The following SPINT2 variants were observed in gnomAD, a reference collection of about 807,000 sequenced individuals.
The protein encoded by SPINT2 is serine peptidase inhibitor, Kunitz type 2, also known as kunitz-type protease inhibitor 2.
Under a neutral mutation model 30.1 loss-of-function variants are expected in SPINT2, and 18 were observed. The observed-to-expected ratio is 0.60, with a 90% CI of 0.41 to 0.89. SPINT2 has a LOEUF of 0.89. Among genes scored for constraint, SPINT2 ranks in the 40% least tolerant of loss-of-function variants. SPINT2 has a pLI of 0.00. For missense variants in SPINT2, 276 were observed against 334.3 expected (o/e 0.83, Z 1.36); for synonymous variants, 139 against 137.9 (o/e 1.01, Z -0.05).
intron 1 of SPINT2, among the ~76,000 whole-genome samples, chr19:38,278,522 C>T (rs1480365831): frequency 6.6e-6 from 1 of 152,214 alleles, no homozygotes; most frequent in Admixed American, 6.5e-5. Context: ...TTGGCGAAGG[C>T]AATAAGTAAT....
At chr19:38,270,939 A>C (rs1968447644) in intron 1 of SPINT2, among the ~76,000 whole-genome samples, 1 of 152,202 alleles carries the variant, frequency 6.6e-6, no homozygotes, top group Non-Finnish European at 1.5e-5. Flanking sequence ...GGCCATGACT[A>C]ATGTGGACAT....
At chr19:38,288,497 G>A (rs1057341551) in intron 3 of SPINT2, 2 of 212,512 alleles carry the variant, frequency 9.4e-6, no homozygotes, top group Non-Finnish European at 1.9e-5. Context: ...CGCCTGGGGT[G>A]AGTGGTCCCG....
intron 1 of SPINT2, among the ~76,000 whole-genome samples, chr19:38,283,008 T>G (rs1329112327): frequency 2.0e-5 from 3 of 151,802 alleles, no homozygotes; most frequent in Non-Finnish European, 2.9e-5. Context: ...TGTTTTGTTT[T>G]TTTTTTTTTA....
rs199831478 is a variant in SPINT2 at position 38,291,976 on chromosome 19, G to A, written c.729G>A (p.Glu243=). 1.9e-6 allele frequency: 3 copies of A among 1,614,174 alleles called. No homozygotes were observed. The African/African-American group carries it at 4.0e-5, about 22-fold the overall frequency. The part of the protein sequence containing the change: ...RTVWSSGDDK[E]QLVKNTYVL ...TCTGGAGCTCCGGAGATGACAAGGA[G>A]CAGCTGGTGAAGAACACATATGTCC... is the stretch of plus-strand genomic sequence containing the variant. The change falls in exon 7 of 7, where the codon GAG becomes GAA. Residue 243 remains glutamate, a synonymous_variant. Transcript: ENST00000301244.
chr19:38,269,766 C>G lies in SPINT2; in HGVS notation c.106+4768C>G, dbSNP rs536732450. 3.9e-5 allele frequency among the ~76,000 whole-genome samples: 6 copies of G among 151,962 alleles called. No homozygotes were observed. In the South Asian group the frequency reaches 1.2e-3, roughly 32 times the overall value. ...CTGGGACTACAGGCACCTGCCGCCACGCCCGGCTAATTTTTTGTATTTTTA... is the reference window on the plus strand; with the variant it reads ...CTGGGACTACAGGCACCTGCCGCCAGGCCCGGCTAATTTTTTGTATTTTTA... On this transcript the variant is annotated intron_variant, in intron 1 of 6. Transcript: ENST00000301244.
intron 1 of SPINT2, among the ~76,000 whole-genome samples, chr19:38,278,276 C>T (rs1968542294): frequency 6.6e-6 from 1 of 152,180 alleles, no homozygotes; most frequent in Non-Finnish European, 1.5e-5. Context: ...AACCTCAGTT[C>T]TGTTTTCCTG....
chr19:38,264,769 C>T lies in SPINT2; in HGVS notation c.-124C>T, dbSNP rs1315986380. Reference sequence around the variant, plus strand: ...GGGGCTTTGGCACCTGGCGGACCCTCCCGGAGCGTCGGCACCTGAACGCGA... The same window carrying T: ...GGGGCTTTGGCACCTGGCGGACCCTTCCGGAGCGTCGGCACCTGAACGCGA... On this transcript the variant is annotated 5_prime_UTR_variant, in exon 1 of 7. Transcript: ENST00000301244. 9.4e-7 allele frequency: 1 copy of T among 1,067,906 alleles called. No individual in the cohort carries two copies. Among genetic ancestry groups the T allele is most frequent in the Admixed American group, 2.1e-5 (1 of 46,828 alleles). 66.2% of individuals were successfully genotyped at this position (1,067,906 alleles called of 1,614,324 possible). A position where few individuals can be genotyped will look rare whatever the true frequency, so the allele number is the denominator to read the frequency against.
At position 38,264,901 on chromosome 19, in the gene SPINT2, G is replaced by T; in HGVS notation, c.9G>T (p.Gln3His). MA[Q>H]LCGLRRSRAF... Reference sequence around the variant, plus strand: ...TCTCGGCTGAGCTGGCCATGGCGCAGCTGTGCGGGCTGAGGCGGAGCCGGG... The same window carrying T: ...TCTCGGCTGAGCTGGCCATGGCGCATCTGTGCGGGCTGAGGCGGAGCCGGG... The change falls in exon 1 of 7, where the codon CAG (glutamine) becomes CAT (histidine). Residue 3 changes from glutamine to histidine, a missense_variant. Physicochemically the swap from Gln to His is conservative, Grantham distance 24 (BLOSUM62 0). Transcript: ENST00000301244. The T allele has an allele frequency of 1.3e-6, 2 of 1,534,974 alleles. No homozygotes were observed. Among genetic ancestry groups the T allele is most frequent in the Non-Finnish European group, 1.7e-6 (2 of 1,145,838 alleles).
rs569101586 is a variant in SPINT2, at chr19:38,264,788, A to C, written c.-105A>C. Reference sequence around the variant, plus strand: ...GACCCTCCCGGAGCGTCGGCACCTGAACGCGAGGCGCTCCATTGCGCGTGC... The same window carrying C: ...GACCCTCCCGGAGCGTCGGCACCTGCACGCGAGGCGCTCCATTGCGCGTGC... On this transcript the variant is annotated 5_prime_UTR_variant, in exon 1 of 7. Coordinates refer to ENST00000301244, the MANE Select transcript of SPINT2 (RefSeq NM_021102.4). The C allele has an allele frequency of 3.7e-5, 47 of 1,271,946 alleles. No individual in the cohort carries two copies. The East Asian group carries it at 1.2e-3, about 33-fold the overall frequency. The allele number at this position is 1,271,946 out of a possible 1,614,324, so 78.8% of individuals were successfully genotyped here.
chr19:38,280,694 A>G (rs1378156673), intron 1 of SPINT2, among the ~76,000 whole-genome samples: 2 of 151,856 alleles, frequency 1.3e-5, no homozygotes, highest in Non-Finnish European at 2.9e-5. Flanking sequence ...ACCCTTACTT[A>G]CGAAGTTACC....
At position 38,264,716 on chromosome 19, in the gene SPINT2, C is replaced by T. The variant is rs1968355382; in HGVS notation, c.-177C>T. ...GCGCCGAGAAGGCCGGGCGTCCCCA[C>T]ACTGAAGGTCCGGAAAGGCGACTTC... On this transcript the variant is annotated 5_prime_UTR_variant, in exon 1 of 7. Transcript: ENST00000301244. 1.6e-6 allele frequency: 1 copy of T among 635,926 alleles called. No homozygotes were observed. Among genetic ancestry groups the T allele is most frequent in the East Asian group, 2.9e-5 (1 of 34,420 alleles). The allele number at this position is 635,926 out of a possible 1,614,324, so 39.4% of individuals were successfully genotyped here. A position where few individuals can be genotyped will look rare whatever the true frequency, so the allele number is the denominator to read the frequency against.
chr19:38,277,136 G>A (rs766239598), intron 1 of SPINT2, among the ~76,000 whole-genome samples: 4 of 152,152 alleles, frequency 2.6e-5, no homozygotes, highest in Admixed American at 2.0e-4. Flanking sequence ...GGTATTTTCT[G>A]TACTCATCAG....
At position 38,287,891 on chromosome 19, in the gene SPINT2, A is replaced by T. The variant is rs753389034; in HGVS notation, c.293A>T (p.Asp98Val). 2 of 1,614,118 alleles carry T rather than the reference A, an allele frequency of 1.2e-6. No homozygotes were observed. Among genetic ancestry groups the T allele is most frequent in the South Asian group, 2.2e-5 (2 of 91,082 alleles). ...CCCCTTGCAGAGAATGCCACGGGTGACCTGGCCACCAGCAGGAATGCAGCG... is the reference window on the plus strand; with the variant it reads ...CCCCTTGCAGAGAATGCCACGGGTGTCCTGGCCACCAGCAGGAATGCAGCG... ...CATVTENATG[D>V]LATSRNAADS... The change falls in exon 3 of 7, where the codon GAC becomes GTC. Residue 98 changes from aspartate to valine, a missense_variant. Asp to Val is a radical substitution (Grantham distance 152). Coordinates refer to ENST00000301244, the MANE Select transcript of SPINT2 (RefSeq NM_021102.4).
intron 2 of SPINT2, among the ~76,000 whole-genome samples, chr19:38,285,090 A>AAC (rs1243374997): frequency 6.6e-6 from 1 of 152,198 alleles, no homozygotes; most frequent in Non-Finnish European, 1.5e-5. Flanking sequence ...ATCAAGTTAA[A>AAC]ACAAACATAC....
At position 38,287,735 on chromosome 19, in the gene SPINT2, G is replaced by T. The variant is rs186304462; in HGVS notation, c.278-141G>T. The T allele has an allele frequency of 3.6e-3, 3,194 of 882,194 alleles. 13 individuals carry two copies. The highest frequency in any genetic ancestry group is 4.1e-3 in the Non-Finnish European group (2,140 of 519,192). 54.6% of individuals were successfully genotyped at this position (882,194 alleles called of 1,614,324 possible). A position where few individuals can be genotyped will look rare whatever the true frequency, so the allele number is the denominator to read the frequency against. ...AATCTTGGTTCCTTATTTCCAAGTT[G>T]TGGTCTGGCATGCACATTGAAGGTC... On this transcript the variant is annotated intron_variant, in intron 2 of 6. Transcript: ENST00000301244.
intron 2 of SPINT2, among the ~76,000 whole-genome samples, chr19:38,284,532 A>G (rs1200743965): frequency 6.6e-6 from 1 of 152,160 alleles, no homozygotes; most frequent in Non-Finnish European, 1.5e-5. Flanking sequence ...TGGTGGCCGT[A>G]CAGTGGTTTC....
intron 1 of SPINT2, among the ~76,000 whole-genome samples, chr19:38,274,212 C>T (rs767323870): frequency 6.9e-6 from 1 of 145,690 alleles, no homozygotes; most frequent in Non-Finnish European, 1.5e-5. Context: ...GGTGACAGGG[C>T]AAGTCCCTGT....
At chr19:38,276,843 C>T (rs1968524568) in intron 1 of SPINT2, among the ~76,000 whole-genome samples, 1 of 151,700 alleles carries the variant, frequency 6.6e-6, no homozygotes. Flanking sequence ...CTTTGTTGCC[C>T]AGGCTGGAGT....
chr19:38,290,247 C>A lies in SPINT2; in HGVS notation c.520C>A (p.Arg174Ser). 1 of 1,612,264 alleles carries A rather than the reference C, an allele frequency of 6.2e-7. No homozygotes were observed. The highest frequency in any genetic ancestry group is 8.5e-7 in the Non-Finnish European group (1 of 1,179,994). The change falls in exon 5 of 7, where the codon CGC (arginine) becomes AGC (serine). Residue 174 changes from arginine to serine, a missense_variant. Physicochemically the swap from Arg to Ser is moderately radical, Grantham distance 110 (BLOSUM62 -1). Transcript: ENST00000301244. This position sits in a 1 kb window ranked among gnomAD's most constrained non-coding sequence, Gnocchi z 4.3. ...GGCRGNKNSY[R>S]SEEACMLRCF... Reference sequence around the variant, plus strand: ...CTGCCGGGGCAATAAGAACAGCTACCGCTCTGAGGAGGCCTGCATGCTCCG... The same window carrying A: ...CTGCCGGGGCAATAAGAACAGCTACAGCTCTGAGGAGGCCTGCATGCTCCG...
Sources: allele counts gnomAD v4.1 joint callset (sites outside exome capture counted in the v4.1 genomes callset), GRCh38; gene constraint gnomAD v4.1.1; non-coding constraint Gnocchi (gnomAD v3.1); transcripts MANE v1.5; gene names NCBI Gene and HGNC (gene_info 2026-07-23, HGNC 2026-07-21).